Variants in MICAL1 observed in about 807,000 individuals in gnomAD.
The protein encoded by MICAL1 is microtubule associated monooxygenase, calponin and LIM domain containing 1, also known as [F-actin]-monooxygenase MICAL1.
A neutral mutation model predicts 131.8 loss-of-function variants in MICAL1; 95 were observed. The ratio of observed to expected loss-of-function variants is 0.72; its 90% confidence interval spans 0.61 to 0.86. MICAL1 has a LOEUF of 0.86. Among genes scored for constraint, MICAL1 ranks in the 40% least tolerant of loss-of-function variants. The probability of loss-of-function intolerance (pLI) is 0.00; values close to 1 mark genes in which losing one functional copy is unlikely to be tolerated. For synonymous variants in MICAL1, 546 were observed against 554.2 expected (o/e 0.99, Z 0.21); for missense variants, 1,292 against 1,380.6 (o/e 0.94, Z 1.02).
intron 13 of MICAL1, 106 bp downstream of exon 13, chr6:109,448,097 G>GACACACACACACACACACACACAGAC: frequency 8.9e-7 from 1 of 1,126,838 alleles, no homozygotes. Flanking sequence ...TCCTCTTTCT[G>GACACACACACACACACACACACAGAC]ACACACACAC....
At position 109,444,227 on chromosome 6, in the gene MICAL1, G is replaced by A; in HGVS notation, c.3168C>T (p.Leu1056=). The change falls in exon 25 of 25, where the codon CTC becomes CTT. Residue 1056 remains leucine (L), a synonymous_variant. Transcript: ENST00000358807. ...CCCCTGTCCCCAAGGCCAGCTCGCT[G>A]AGCCTGCGCTCCTCCTGGAAGCGGA... ...ALIRFQEERR[L]SELALGTGAQ... is the part of the protein sequence containing the mutation. The A allele has an allele frequency of 1.2e-6, 2 of 1,613,634 alleles. No individual in the cohort carries two copies. Among genetic ancestry groups the A allele is most frequent in the Non-Finnish European group, 1.7e-6 (2 of 1,180,016 alleles).
chr6:109,450,653 G>T, intron 7 of MICAL1, 96 bp from the exon 8 acceptor site: 1 of 1,385,840 alleles, frequency 7.2e-7, no homozygotes, highest in Non-Finnish European at 9.6e-7. Flanking sequence ...ACATCCTGGG[G>T]CCCAGAGAAG....
Position 109,447,132 on chromosome 6 carries a change from C to T in MICAL1, c.2168G>A (p.Arg723His), listed in dbSNP as rs201874487. ...CAGTGTGGCCTCACAGGTATGGCAG[C>T]GGAAGCAGCTCCGGTGGAAGAAATG... is the stretch of plus-strand genomic sequence containing the variant. ...NGHFFHRSCF[R>H]CHTCEATLWP... The change falls in exon 17 of 25, where the codon CGC (arginine) becomes CAC (histidine). Residue 723 changes from arginine to histidine, a missense_variant. Physicochemically the swap from Arg to His is conservative, Grantham distance 29. Transcript: ENST00000358807. 1.1e-4 allele frequency: 178 copies of T among 1,612,776 alleles called. 2 individuals are homozygous for T. Among genetic ancestry groups the T allele is most frequent in the South Asian group, 9.8e-4 (89 of 91,094 alleles).
At position 109,446,237 on chromosome 6, in the gene MICAL1, A is replaced by C; in HGVS notation, c.2480T>G (p.Met827Arg). Residue 827 changes from methionine to arginine, a missense_variant, in exon 19 of 25, where the codon ATG becomes AGG. Transcript: ENST00000358807. ...SSLNLTPDPE[M>R]EPPPKPPRSC... is the part of the protein sequence containing the mutation. ...GCGGGGAGGCTTGGGTGGAGGCTCC[A>C]TTTCCGGGTCAGGGGTAAGGTTAAG... 1.2e-6 allele frequency: 2 copies of C among 1,607,562 alleles called. No individual in the cohort carries two copies. Among genetic ancestry groups the C allele is most frequent in the Non-Finnish European group, 1.7e-6 (2 of 1,177,402 alleles).
chr6:109,448,458 G>T, intron 12 of MICAL1, 65 bp from the exon 13 acceptor site: 1 of 1,564,396 alleles, frequency 6.4e-7, no homozygotes, highest in Non-Finnish European at 8.7e-7. Flanking sequence ...GGGGAGGAAG[G>T]GCAGCAGGAG....
intron 1 of MICAL1, chr6:109,463,792 C>A (rs1775965668): frequency 6.6e-6 from 1 of 152,116 alleles, no homozygotes; most frequent in African/African-American, 2.4e-5. Flanking sequence ...AAATATTTGG[C>A]AAATGTTGGA....
chr6:109,461,429 C>T (rs533017096), intron 1 of MICAL1, among the ~76,000 whole-genome samples: 2 of 152,214 alleles, frequency 1.3e-5, no homozygotes, highest in Non-Finnish European at 2.9e-5. Context: ...GTAACTTTCA[C>T]TACTATTGTT....
intron 8 of MICAL1, 79 bp from the exon 9 acceptor site, chr6:109,450,164 A>T: frequency 1.3e-6 from 2 of 1,567,494 alleles, no homozygotes; most frequent in Admixed American, 3.5e-5. Context: ...CACCCAGGTC[A>T]CAGCAGAAGG....
In MICAL1 at chr6:109,444,963, C is replaced by T; in HGVS notation, c.2914G>A (p.Gly972Arg). 3 of 1,614,072 alleles carry T rather than the reference C, an allele frequency of 1.9e-6. No homozygotes were observed. Among genetic ancestry groups the T allele is most frequent in the East Asian group, 4.5e-5 (2 of 44,882 alleles). ...SPEQQKKLWV[G>R]QLLQLVDKKN... ...TTGTCAACGAGCTGTAGCAGCTGTC[C>T]TACCCATAGTTTCTTTTGCTGTTCT... Residue 972 changes from glycine to arginine, a missense_variant, in exon 23 of 25, where the codon GGA becomes AGA. Physicochemically the swap from Gly to Arg is moderately radical, Grantham distance 125 (BLOSUM62 -2). Coordinates refer to ENST00000358807, the MANE Select transcript of MICAL1 (RefSeq NM_022765.4).
At chr6:109,447,572 C>A (rs1360271276) in intron 15 of MICAL1, 109 bp downstream of exon 15, 34 of 1,559,102 alleles carry the variant, frequency 2.2e-5, no homozygotes, top group Non-Finnish European at 2.8e-5. Flanking sequence ...GGGGGGGTTA[C>A]AGGACCTGGG....
Position 109,453,625 on chromosome 6 carries a change from A to G in MICAL1, c.466+13T>C. 1 of 1,582,072 alleles carries G rather than the reference A, an allele frequency of 6.3e-7. No homozygotes were observed. The highest frequency in any genetic ancestry group is 8.6e-7 in the Non-Finnish European group (1 of 1,164,168). ...AGCTCACCCGCCCCTCCAGGCCACC[A>G]CGTGGTGCTCACTGATGTGGTCCAG... On this transcript the variant is annotated intron_variant, in intron 3 of 24. Transcript: ENST00000358807.
intron 1 of MICAL1, 62 bp from the exon 2 acceptor site, chr6:109,454,301 A>G: frequency 1.4e-6 from 2 of 1,450,244 alleles, no homozygotes; most frequent in South Asian, 1.4e-5. Context: ...AAGGAAGGGG[A>G]GGCGAAGAGA....
rs773783584 is a variant in MICAL1, at chr6:109,455,329, C to T, written c.-44+390G>A. On this transcript the variant is annotated intron_variant, in intron 1 of 24. Coordinates refer to ENST00000358807, the MANE Select transcript of MICAL1 (RefSeq NM_022765.4). The surrounding 1 kb of genome is among the most constrained non-coding windows in gnomAD (Gnocchi z 4.7). Reference sequence around the variant, plus strand: ...CGCCGAGACAGGAGATGAAAGCCTCCCGCTGCGGGTGGCCCGGACGAGGGC... The same window carrying T: ...CGCCGAGACAGGAGATGAAAGCCTCTCGCTGCGGGTGGCCCGGACGAGGGC... Among the ~76,000 whole-genome samples, 133 of 152,314 alleles carry T rather than the reference C, an allele frequency of 8.7e-4. No homozygotes were observed. Among genetic ancestry groups the T allele is most frequent in the Non-Finnish European group, 1.7e-3 (116 of 68,030 alleles).
chr6:109,444,399 C>T, intron 24 of MICAL1, 60 bp from the exon 25 acceptor site: 1 of 1,604,902 alleles, frequency 6.2e-7, no homozygotes, highest in Non-Finnish European at 8.5e-7. Flanking sequence ...AGGAGGGCCA[C>T]AACCTAATCC....
chr6:109,460,906 C>A (rs1375838678), intron 1 of MICAL1, among the ~76,000 whole-genome samples: 23 of 152,168 alleles, frequency 1.5e-4, no homozygotes, highest in Non-Finnish European at 4.4e-5. Flanking sequence ...CTCCTGTTAA[C>A]TAAGACATTT....
chr6:109,460,954 C>T (rs1582661867), intron 1 of MICAL1, among the ~76,000 whole-genome samples: 1 of 152,034 alleles, frequency 6.6e-6, no homozygotes, highest in Admixed American at 6.6e-5. Flanking sequence ...TGGCAAATTT[C>T]GATTAAGCTT....
chr6:109,452,502 A>T lies in MICAL1; in HGVS notation c.676+9T>A. 1 of 1,613,598 alleles carries T rather than the reference A, an allele frequency of 6.2e-7. No homozygotes were observed. The highest frequency in any genetic ancestry group is 8.5e-7 in the Non-Finnish European group (1 of 1,179,692). Reference sequence around the variant, plus strand: ...GATGCTGGCTTCTTTGAGGGAAGTGATCACTCACCTTCAGGGACGAATTTA... The same window carrying T: ...GATGCTGGCTTCTTTGAGGGAAGTGTTCACTCACCTTCAGGGACGAATTTA... On this transcript the variant is annotated intron_variant, in intron 5 of 24. Coordinates refer to ENST00000358807, the MANE Select transcript of MICAL1 (RefSeq NM_022765.4).
Position 109,444,131 on chromosome 6 carries a change from G to T in MICAL1, c.*60C>A. On this transcript the variant is annotated 3_prime_UTR_variant, in exon 25 of 25. Transcript: ENST00000358807. The stretch of plus-strand genomic sequence containing the variant: ...CAGGCAGCCCAGATGAACAGGGGTG[G>T]CACTGTGCTGGGGTGAGGTGCTTTC... 2 of 1,575,550 alleles carry T rather than the reference G, an allele frequency of 1.3e-6. No individual in the cohort carries two copies. Among genetic ancestry groups the T allele is most frequent in the Admixed American group, 3.7e-5 (2 of 53,750 alleles).
intron 15 of MICAL1, 30 bp from the exon 16 acceptor site, chr6:109,447,470 G>T (rs1311280234): frequency 1.3e-6 from 2 of 1,598,988 alleles, no homozygotes; most frequent in African/African-American, 2.7e-5. Flanking sequence ...GGCAGGGAGG[G>T]TAGAGGGGCA....
Sources: allele counts gnomAD v4.1 joint callset (sites outside exome capture counted in the v4.1 genomes callset), GRCh38; gene constraint gnomAD v4.1.1; non-coding constraint Gnocchi (gnomAD v3.1); transcripts MANE v1.5; gene names NCBI Gene and HGNC (gene_info 2026-07-23, HGNC 2026-07-21).